Variants in FAM20C observed in about 807,000 individuals in gnomAD.
FAM20C encodes FAM20C golgi associated secretory pathway kinase.
Under a neutral mutation model 51.5 loss-of-function variants are expected in FAM20C, and 40 were observed. That is an observed-to-expected ratio of 0.78 (90% CI 0.60 to 1.01). The LOEUF (loss-of-function observed/expected upper bound fraction) is 1.01. FAM20C is among the 50% of genes least tolerant of loss of function. The probability of loss-of-function intolerance (pLI) is 0.00; values close to 1 mark genes in which losing one functional copy is unlikely to be tolerated. For synonymous variants in FAM20C, 406 were observed against 380.6 expected (o/e 1.07, Z -0.78); for missense variants, 861 against 844.7 (o/e 1.02, Z -0.24).
chr7:214,412 C>T (rs1039889879), intron 3 of FAM20C, among the ~76,000 whole-genome samples: 10 of 152,258 alleles, frequency 6.6e-5, no homozygotes, highest in African/African-American at 2.2e-4. Context: ...AATTTTAGGA[C>T]GTCCAATTTA....
intron 2 of FAM20C, among the ~76,000 whole-genome samples, chr7:199,345 T>C (rs1379471994): frequency 1.3e-5 from 2 of 152,128 alleles, no homozygotes; most frequent in Non-Finnish European, 2.9e-5. Flanking sequence ...AGAACAGGGG[T>C]AGCCTTCAAA....
At chr7:209,610 G>A (rs546060216) in intron 3 of FAM20C, among the ~76,000 whole-genome samples, 1 of 152,344 alleles carries the variant, frequency 6.6e-6, no homozygotes, top group African/African-American at 2.4e-5. Flanking sequence ...AGCTCGTGGT[G>A]AGGGGTGTGT....
chr7:241,874 G>A (rs1787957975), intron 3 of FAM20C, among the ~76,000 whole-genome samples: 1 of 151,488 alleles, frequency 6.6e-6, no homozygotes, highest in Non-Finnish European at 1.5e-5. Context: ...TGCATGAGTG[G>A]GTATGTGTGT....
chr7:211,472 G>A (rs922944307), intron 3 of FAM20C, among the ~76,000 whole-genome samples: 3 of 147,244 alleles, frequency 2.0e-5, no homozygotes, highest in East Asian at 4.2e-4. Context: ...GGCACCCCAC[G>A]TCCCCAGCGT....
intron 3 of FAM20C, among the ~76,000 whole-genome samples, chr7:214,629 C>T (rs1415877543): frequency 6.6e-6 from 1 of 152,128 alleles, no homozygotes; most frequent in Non-Finnish European, 1.5e-5. Flanking sequence ...GCCCTCACCT[C>T]CTGGAACTCA....
intron 6 of FAM20C, 124 bp from the exon 7 acceptor site, chr7:256,530 C>A: frequency 1.3e-6 from 1 of 759,592 alleles, no homozygotes; most frequent in Non-Finnish European, 2.2e-6. Flanking sequence ...GCGCCGCAGC[C>A]CGGGCGGGTC....
At position 207,278 on chromosome 7, in the gene FAM20C, C is replaced by T. The variant is rs796985862; in HGVS notation, c.785-1620C>T. 9.5e-3 allele frequency among the ~76,000 whole-genome samples: 234 copies of T among 24,504 alleles called. 15 individuals are homozygous for T. The highest frequency in any genetic ancestry group is 0.013 in the Non-Finnish European group (164 of 12,220). 16.1% of individuals were successfully genotyped at this position (24,504 alleles called of 152,430 possible). A position where few individuals can be genotyped will look rare whatever the true frequency, so the allele number is the denominator to read the frequency against. On this transcript the variant is annotated intron_variant, in intron 2 of 9. Transcript: ENST00000313766. ...CGTGTCCACTGTGACGCGTCGGTCA[C>T]TGTCCCCTCGGCCCCGCACACGTGT...
At chr7:195,785 C>T in intron 2 of FAM20C, 53 bp downstream of exon 2, 1 of 1,466,674 alleles carries the variant, frequency 6.8e-7, no homozygotes, top group Non-Finnish European at 9.1e-7. Flanking sequence ...TGTGTGGCAT[C>T]AGGGCTGCTG....
Position 257,888 on chromosome 7 carries a change from C to A in FAM20C, c.1446-758C>A, listed in dbSNP as rs1300854571. On this transcript the variant is annotated intron_variant, in intron 8 of 9. Coordinates refer to ENST00000313766, the MANE Select transcript of FAM20C (RefSeq NM_020223.4). ...GAGATGGGGCTGGGTGGACCCACTG[C>A]CCAGGATGCTGGAGATGGGCTGGGT... Among the ~76,000 whole-genome samples, 4 of 126,592 alleles carry A rather than the reference C, an allele frequency of 3.2e-5. 1 individual carries two copies. The highest frequency in any genetic ancestry group is 4.9e-5 in the Non-Finnish European group (3 of 60,906). The allele number at this position is 126,592 out of a possible 152,430, so 83.0% of individuals were successfully genotyped here.
intron 3 of FAM20C, among the ~76,000 whole-genome samples, chr7:210,671 C>T (rs867693994): frequency 7.2e-5 from 11 of 152,132 alleles, no homozygotes; most frequent in South Asian, 4.1e-4. Flanking sequence ...GGGGTGGCCC[C>T]GTCACGCCGA....
chr7:213,946 A>AT (rs1224345899), intron 3 of FAM20C, among the ~76,000 whole-genome samples: 1 of 152,168 alleles, frequency 6.6e-6, no homozygotes, highest in Non-Finnish European at 1.5e-5. Context: ...GGCACGGGCC[A>AT]TTGACGTGTC....
At chr7:194,002 G>A (rs1384750075) in intron 1 of FAM20C, 198 bp downstream of exon 1, 6 of 873,240 alleles carry the variant, frequency 6.9e-6, no homozygotes, top group Non-Finnish European at 8.0e-6. Context: ...GGGGCTGCCG[G>A]CTGGTCCGGG....
intron 3 of FAM20C, among the ~76,000 whole-genome samples, chr7:216,642 AGTGTGT>A (rs1188129467): frequency 3.7e-5 from 5 of 133,504 alleles, no homozygotes; most frequent in Admixed American, 2.9e-4. Flanking sequence ...AGTGTGTGTG[AGTGTGT>A]GTGAGTGTGT....
At chr7:228,618 C>G (rs776192566) in intron 3 of FAM20C, 28 of 456,264 alleles carry the variant, frequency 6.1e-5, no homozygotes, top group Non-Finnish European at 9.7e-5. Context: ...CGGTGTGAGC[C>G]AGGGGAATGA....
At position 257,868 on chromosome 7, in the gene FAM20C, G is replaced by GCCC. The variant is rs1554256371; in HGVS notation, c.1446-778_1446-777insCCC. ...ACCCACTGCCTGGGGTGCTGGAGAT[G>GCCC]GGGCTGGGTGGACCCACTGCCCAGG... is the stretch of plus-strand genomic sequence containing the variant. On this transcript the variant is annotated intron_variant, in intron 8 of 9. Coordinates refer to ENST00000313766, the MANE Select transcript of FAM20C (RefSeq NM_020223.4). Among the ~76,000 whole-genome samples, 54 of 26,464 alleles carry GCCC rather than the reference G, an allele frequency of 2.0e-3. 2 individuals carry two copies. Among genetic ancestry groups the GCCC allele is most frequent in the African/African-American group, 3.0e-3 (16 of 5,290 alleles). 17.4% of individuals were successfully genotyped at this position (26,464 alleles called of 152,430 possible).
In FAM20C at chr7:260,121, A is replaced by G; in HGVS notation, c.*141A>G. The G allele has an allele frequency of 1.7e-6, 2 of 1,152,922 alleles. No homozygotes were observed. Among genetic ancestry groups the G allele is most frequent in the Non-Finnish European group, 2.3e-6 (2 of 859,412 alleles). 71.4% of individuals were successfully genotyped at this position (1,152,922 alleles called of 1,614,324 possible). A position where few individuals can be genotyped will look rare whatever the true frequency, so the allele number is the denominator to read the frequency against. ...TCGGGAGCTGCTGCCACAGGAGGCG[A>G]GGCTCCCCAGGTCTCATAGGACACA... On this transcript the variant is annotated 3_prime_UTR_variant, in exon 10 of 10. Transcript: ENST00000313766.
At chr7:250,068 C>T (rs1024141959) in intron 5 of FAM20C, among the ~76,000 whole-genome samples, 1 of 152,222 alleles carries the variant, frequency 6.6e-6, no homozygotes, top group African/African-American at 2.4e-5. Context: ...CAGCCACTCT[C>T]CTGGCCCATC....
At chr7:228,721 G>A (rs1787541727) in intron 3 of FAM20C, 1 of 456,280 alleles carries the variant, frequency 2.2e-6, no homozygotes, top group Admixed American at 2.3e-5. Flanking sequence ...CACGGCACCT[G>A]TGGGTCCATC....
At chr7:204,266 A>C (rs914919043) in intron 2 of FAM20C, among the ~76,000 whole-genome samples, 1 of 152,238 alleles carries the variant, frequency 6.6e-6, no homozygotes, top group Non-Finnish European at 1.5e-5. Context: ...CCGTTTACGG[A>C]GCCTCGAGCT....
Sources: allele counts gnomAD v4.1 joint callset (sites outside exome capture counted in the v4.1 genomes callset), GRCh38; gene constraint gnomAD v4.1.1; transcripts MANE v1.5; gene names NCBI Gene and HGNC (gene_info 2026-07-23, HGNC 2026-07-21).